R3HCC1L: variants seen among roughly 807,000 people sequenced by gnomAD.
R3HCC1L encodes R3H domain and coiled-coil containing 1 like.
R3HCC1L carries 51 observed loss-of-function variants against 59.9 expected under a neutral mutation model. The observed-to-expected ratio is 0.85, with a 90% CI of 0.68 to 1.07. The LOEUF is 1.07. Ranked by LOEUF, R3HCC1L falls within the 50% of genes least tolerant of loss-of-function variation. The probability of loss-of-function intolerance (pLI) is 0.00; values close to 1 mark genes in which losing one functional copy is unlikely to be tolerated. For synonymous variants in R3HCC1L, 322 were observed against 315.2 expected, an observed-to-expected ratio of 1.02 and a Z score of -0.23; for missense variants, 965 against 933.0, an observed-to-expected ratio of 1.03 and a Z score of -0.45.
chr10:98,167,202 A>G (rs1042505256), intron 4 of R3HCC1L, among the ~76,000 whole-genome samples: 1 of 152,174 alleles, frequency 6.6e-6, no homozygotes, highest in African/African-American at 2.4e-5. Flanking sequence ...GTGTACAGGC[A>G]TTCTGTTCCT....
At chr10:98,187,192 G>A (rs562854775) in intron 4 of R3HCC1L, among the ~76,000 whole-genome samples, 9 of 152,030 alleles carry the variant, frequency 5.9e-5, no homozygotes, top group African/African-American at 2.2e-4. Flanking sequence ...GGGACCAGAA[G>A]TGTTTTTGAT....
intron 1 of R3HCC1L, among the ~76,000 whole-genome samples, chr10:98,139,730 G>A (rs1844953922): frequency 1.3e-5 from 2 of 152,080 alleles, no homozygotes; most frequent in Admixed American, 6.6e-5. Context: ...ATAAAACATG[G>A]ACCAATTGCT....
chr10:98,181,459 T>G (rs924745999), intron 4 of R3HCC1L, among the ~76,000 whole-genome samples: 16 of 152,202 alleles, frequency 1.1e-4, no homozygotes, highest in African/African-American at 3.9e-4. Flanking sequence ...ATTTTTTCCT[T>G]CATTTCAATC....
At chr10:98,162,211 G>A (rs1847493012) in intron 2 of R3HCC1L, among the ~76,000 whole-genome samples, 1 of 151,924 alleles carries the variant, frequency 6.6e-6, no homozygotes, top group Non-Finnish European at 1.5e-5. Context: ...GCTGATATTG[G>A]TGGACATTAA....
chr10:98,152,175 C>T (rs1240650993), intron 1 of R3HCC1L, among the ~76,000 whole-genome samples: 1 of 152,250 alleles, frequency 6.6e-6, no homozygotes, highest in African/African-American at 2.4e-5. Context: ...GGCTGGTCTC[C>T]AGCTCCTAAC....
rs1004579292 is a variant in R3HCC1L at position 98,189,411 on chromosome 10, A to C, written c.-14-18690A>C. On this transcript the variant is annotated intron_variant, in intron 4 of 9. Transcript: ENST00000298999. ...CTTCTCATTCTGCTTTTTACTAGTG[A>C]TTCTGTTTCTTGCATGCCTTTTAGT... 2.6e-5 allele frequency among the ~76,000 whole-genome samples: 4 copies of C among 152,068 alleles called. No homozygotes were observed. The South Asian group carries it at 8.3e-4, about 32-fold the overall frequency.
At chr10:98,163,752 G>A (rs1377441455) in intron 4 of R3HCC1L, among the ~76,000 whole-genome samples, 2 of 152,132 alleles carry the variant, frequency 1.3e-5, no homozygotes, top group East Asian at 3.8e-4. Context: ...TTCATATAGT[G>A]AGCAGCAAAG....
intron 9 of R3HCC1L, among the ~76,000 whole-genome samples, chr10:98,243,391 G>T (rs774944953): frequency 6.6e-5 from 10 of 152,222 alleles, no homozygotes; most frequent in Admixed American, 1.3e-4. Flanking sequence ...TGGGTCACCA[G>T]ACTGTTGTAT....
chr10:98,217,129 G>A (rs1463323617), intron 5 of R3HCC1L, among the ~76,000 whole-genome samples: 1 of 152,142 alleles, frequency 6.6e-6, no homozygotes, highest in Non-Finnish European at 1.5e-5. Flanking sequence ...TGCTAGGGCT[G>A]TCATACAGAG....
intron 4 of R3HCC1L, among the ~76,000 whole-genome samples, chr10:98,192,629 G>A (rs1287045769): frequency 1.3e-5 from 2 of 152,090 alleles, no homozygotes; most frequent in Non-Finnish European, 2.9e-5. Flanking sequence ...TAAGCAGTAA[G>A]GAAATTCAAT....
intron 4 of R3HCC1L, among the ~76,000 whole-genome samples, chr10:98,187,870 A>G (rs1850392921): frequency 6.6e-6 from 1 of 151,074 alleles, no homozygotes; most frequent in Non-Finnish European, 1.5e-5. Flanking sequence ...CTAAGTAGGT[A>G]GGGCTACAGA....
At chr10:98,143,705 T>C (rs1431480927) in intron 1 of R3HCC1L, among the ~76,000 whole-genome samples, 1 of 152,226 alleles carries the variant, frequency 6.6e-6, no homozygotes, top group Admixed American at 6.5e-5. Flanking sequence ...TATCTTTGAC[T>C]TCATAATGTC....
chr10:98,165,068 T>C (rs935595974), intron 4 of R3HCC1L, among the ~76,000 whole-genome samples: 7 of 152,188 alleles, frequency 4.6e-5, no homozygotes, highest in African/African-American at 1.7e-4. Context: ...GAGACCAGCC[T>C]GGCCAACACA....
At chr10:98,200,749 A>C (rs1197185457) in intron 4 of R3HCC1L, among the ~76,000 whole-genome samples, 1 of 152,154 alleles carries the variant, frequency 6.6e-6, no homozygotes, top group Non-Finnish European at 1.5e-5. Flanking sequence ...AATAACTTTT[A>C]TATCAAATTT....
At chr10:98,243,295 A>T (rs980210313) in intron 9 of R3HCC1L, among the ~76,000 whole-genome samples, 1 of 152,168 alleles carries the variant, frequency 6.6e-6, no homozygotes, top group Non-Finnish European at 1.5e-5. Context: ...ACCATCTATG[A>T]TGTAGGCTTA....
intron 4 of R3HCC1L, among the ~76,000 whole-genome samples, chr10:98,198,726 C>T (rs762697586): frequency 1.3e-5 from 2 of 152,054 alleles, no homozygotes; most frequent in Non-Finnish European, 2.9e-5. Context: ...ATAAGCTTAT[C>T]TGTACATTCA....
chr10:98,244,140 A>T lies in R3HCC1L; in HGVS notation c.2319A>T (p.Arg773Ser), dbSNP rs762452879. ...AKQREDIWEG[R>S]DQSTV ...AACGGGAAGACATCTGGGAAGGCAGAGACCAGTCTACAGTTTGAACATCAC... is the reference window on the plus strand; with the variant it reads ...AACGGGAAGACATCTGGGAAGGCAGTGACCAGTCTACAGTTTGAACATCAC... The change falls in exon 10 of 10, where the codon AGA (arginine) becomes AGT (serine). Residue 773 changes from arginine to serine, a missense_variant. Coordinates refer to ENST00000298999, the MANE Select transcript of R3HCC1L (RefSeq NM_001351015.2). 18 of 1,614,006 alleles carry T rather than the reference A, an allele frequency of 1.1e-5. No individual in the cohort carries two copies. In the South Asian group the frequency reaches 1.9e-4, roughly 17 times the overall value.
In R3HCC1L at chr10:98,234,216, G is replaced by C. The variant is rs376035067; in HGVS notation, c.1962-230G>C. On this transcript the variant is annotated intron_variant, in intron 6 of 9. Transcript: ENST00000298999. ...TTAATTAGTTGATGTCTATAAAATGGCTGAGAACGTAAAATACTCCTGGGT... is the reference window on the plus strand; with the variant it reads ...TTAATTAGTTGATGTCTATAAAATGCCTGAGAACGTAAAATACTCCTGGGT... Among the ~76,000 whole-genome samples, 5 of 152,228 alleles carry C rather than the reference G, an allele frequency of 3.3e-5. No individual in the cohort carries two copies. In the South Asian group the frequency reaches 1.0e-3, roughly 32 times the overall value.
chr10:98,146,320 A>G (rs1038116590), intron 1 of R3HCC1L, among the ~76,000 whole-genome samples: 1 of 152,224 alleles, frequency 6.6e-6, no homozygotes, highest in Non-Finnish European at 1.5e-5. Flanking sequence ...CACCTTACAC[A>G]GTTGTCTTTT....
Sources: allele counts gnomAD v4.1 joint callset (sites outside exome capture counted in the v4.1 genomes callset), GRCh38; gene constraint gnomAD v4.1.1; transcripts MANE v1.5; gene names NCBI Gene and HGNC (gene_info 2026-07-23, HGNC 2026-07-21).